The following WDR64 variants were observed in gnomAD, a reference collection of about 807,000 sequenced individuals.
WDR64 encodes the protein WD repeat-containing protein 64.
In WDR64, 112 loss-of-function variants were observed where a neutral mutation model predicts 139.3. That is an observed-to-expected ratio of 0.80 (90% CI 0.69 to 0.94). The LOEUF (loss-of-function observed/expected upper bound fraction) is 0.94. WDR64 is among the 40% of genes least tolerant of loss of function. The pLI is 0.00. For missense variants in WDR64, 1,206 were observed against 1,293.1 expected, an observed-to-expected ratio of 0.93 and a Z score of 1.03; for synonymous variants, 444 against 437.7, an observed-to-expected ratio of 1.01 and a Z score of -0.18.
At position 241,670,392 on chromosome 1, in the gene WDR64, A is replaced by C. The variant is rs779957859; in HGVS notation, c.277-682A>C. Among the ~76,000 whole-genome samples the C allele has an allele frequency of 2.6e-4, 39 of 152,208 alleles. 1 individual carries two copies. Among genetic ancestry groups the C allele is most frequent in the Admixed American group, 6.5e-5 (1 of 15,280 alleles). On this transcript the variant is annotated intron_variant, in intron 2 of 27. Coordinates refer to ENST00000437684, the MANE Select transcript of WDR64 (RefSeq NM_001367482.1). Reference sequence around the variant, plus strand: ...CTGAAAAATTCATGGAAAATGGGTAAGACAGTCATTTGAGAGTGGCCAAAG... The same window carrying C: ...CTGAAAAATTCATGGAAAATGGGTACGACAGTCATTTGAGAGTGGCCAAAG...
At chr1:241,657,283 G>A (rs774251121) in intron 1 of WDR64, among the ~76,000 whole-genome samples, 5 of 152,046 alleles carry the variant, frequency 3.3e-5, no homozygotes, top group South Asian at 4.1e-4. Context: ...CCCTCCACTA[G>A]TTTTACGTCT....
chr1:241,773,362 T>C (rs1658531845), intron 20 of WDR64, among the ~76,000 whole-genome samples: 1 of 152,236 alleles, frequency 6.6e-6, no homozygotes, highest in Non-Finnish European at 1.5e-5. Context: ...TCATCCCTTA[T>C]GTCCCTAATA....
chr1:241,738,540 C>G (rs1442610786), intron 11 of WDR64, 51 bp downstream of exon 11: 12 of 1,554,248 alleles, frequency 7.7e-6, no homozygotes, highest in Non-Finnish European at 1.0e-5. Flanking sequence ...GATTTTTAAC[C>G]TTTTTTTAAA....
chr1:241,745,991 C>T (rs144438696), intron 13 of WDR64, among the ~76,000 whole-genome samples: 2 of 152,262 alleles, frequency 1.3e-5, no homozygotes, highest in Non-Finnish European at 2.9e-5. Context: ...TATGAGAACA[C>T]GATAATGTCT....
intron 27 of WDR64, among the ~76,000 whole-genome samples, chr1:241,798,010 C>A (rs1205115201): frequency 6.6e-6 from 1 of 151,958 alleles, no homozygotes; most frequent in East Asian, 1.9e-4. Context: ...AGGGGGAAGA[C>A]AATATGGAAT....
At chr1:241,734,212 C>T (rs1669205007) in intron 10 of WDR64, among the ~76,000 whole-genome samples, 1 of 152,066 alleles carries the variant, frequency 6.6e-6, no homozygotes, top group Non-Finnish European at 1.5e-5. Context: ...TTGAGCTGTC[C>T]TGCCTTTCCG....
At chr1:241,711,349 G>C (rs1050720647) in intron 8 of WDR64, among the ~76,000 whole-genome samples, 1 of 152,092 alleles carries the variant, frequency 6.6e-6, no homozygotes, top group Non-Finnish European at 1.5e-5. Context: ...GGGAAGAAGT[G>C]GTCAGATTTC....
chr1:241,801,273 G>C lies in WDR64; in HGVS notation c.*58G>C, dbSNP rs997969549. 7.0e-6 allele frequency: 10 copies of C among 1,418,966 alleles called. No homozygotes were observed. Among genetic ancestry groups the C allele is most frequent in the Non-Finnish European group, 9.9e-6 (10 of 1,006,960 alleles). The allele number at this position is 1,418,966 out of a possible 1,614,324, so 87.9% of individuals were successfully genotyped here. On this transcript the variant is annotated 3_prime_UTR_variant, in exon 28 of 28. Coordinates refer to ENST00000437684, the MANE Select transcript of WDR64 (RefSeq NM_001367482.1). ...AAATGGCAACGTTTGGATGATACCT[G>C]CTCTTTATTTCAGGATGAGAGGGAG...
At position 241,656,809 on chromosome 1, in the gene WDR64, G is replaced by A. The variant is rs927165762; in HGVS notation, c.146-3721G>A. The stretch of plus-strand genomic sequence containing the variant: ...CGTCCTTGGCCTCTACTCACTAGAT[G>A]CCAGTAGCACACCTACTCCTAGTTG... On this transcript the variant is annotated intron_variant, in intron 1 of 27. Transcript: ENST00000437684. The surrounding 1 kb of genome is among the most constrained non-coding windows in gnomAD (Gnocchi z 4.3). Among the ~76,000 whole-genome samples the A allele has an allele frequency of 6.6e-6, 1 of 151,852 alleles. No individual in the cohort carries two copies. The highest frequency in any genetic ancestry group is 2.4e-5 in the African/African-American group (1 of 41,300).
intron 8 of WDR64, among the ~76,000 whole-genome samples, chr1:241,693,967 A>C (rs1205740124): frequency 1.3e-5 from 2 of 152,170 alleles, no homozygotes; most frequent in Non-Finnish European, 2.9e-5. Context: ...ATTGTTAGCT[A>C]TAGAACTTGG....
chr1:241,799,202 CAAAAAAAAAA>C (rs4046210), intron 27 of WDR64, among the ~76,000 whole-genome samples: 2 of 33,326 alleles, frequency 6.0e-5, no homozygotes, highest in Non-Finnish European at 9.4e-5. Flanking sequence ...TTTGTCTCTC[CAAAAAAAAAA>C]AAAAAAAAAA....
intron 14 of WDR64, among the ~76,000 whole-genome samples, chr1:241,752,935 A>G (rs1395886683): frequency 6.6e-6 from 1 of 152,198 alleles, no homozygotes; most frequent in Non-Finnish European, 1.5e-5. Flanking sequence ...GCTATTACTC[A>G]GTGTCAATAT....
rs141575772 is a variant in WDR64, at chr1:241,750,105, G to A, written c.1770+383G>A. On this transcript the variant is annotated intron_variant, in intron 14 of 27. Coordinates refer to ENST00000437684, the MANE Select transcript of WDR64 (RefSeq NM_001367482.1). ...CCCTTATAACCCATAATGCATTCAG[G>A]AATGCTCAAGTCACTTTTCCAGTTT... is the stretch of plus-strand genomic sequence containing the variant. Among the ~76,000 whole-genome samples, 347 of 152,256 alleles carry A rather than the reference G, an allele frequency of 2.3e-3. 3 individuals carry two copies. Among genetic ancestry groups the A allele is most frequent in the Middle Eastern group, 0.014 (4 of 294 alleles).
At chr1:241,782,242 C>G (rs12027319) in intron 22 of WDR64, among the ~76,000 whole-genome samples, 1 of 152,150 alleles carries the variant, frequency 6.6e-6, no homozygotes, top group Non-Finnish European at 1.5e-5. Flanking sequence ...GAGCCGAGAT[C>G]GCGCCACCGC....
At chr1:241,726,908 C>T (rs1258449478) in intron 10 of WDR64, among the ~76,000 whole-genome samples, 11 of 148,672 alleles carry the variant, frequency 7.4e-5, no homozygotes, top group South Asian at 6.3e-4. Context: ...TTTTTTGAGA[C>T]GAAGTTTCAT....
chr1:241,699,770 T>C (rs964674583), intron 8 of WDR64, among the ~76,000 whole-genome samples: 1 of 152,104 alleles, frequency 6.6e-6, no homozygotes, highest in Non-Finnish European at 1.5e-5. Flanking sequence ...AAATTGCAAA[T>C]GGTTCAATAT....
At chr1:241,713,940 A>G (rs897771526) in intron 9 of WDR64, among the ~76,000 whole-genome samples, 4 of 152,228 alleles carry the variant, frequency 2.6e-5, no homozygotes, top group Non-Finnish European at 5.9e-5. Context: ...AATTGTGTTG[A>G]TAGTTGTACA....
intron 11 of WDR64, among the ~76,000 whole-genome samples, chr1:241,738,995 C>G (rs1278701033): frequency 6.6e-6 from 1 of 152,224 alleles, no homozygotes; most frequent in African/African-American, 2.4e-5. Flanking sequence ...CGTACCGAGT[C>G]AATGCCCCTT....
intron 10 of WDR64, among the ~76,000 whole-genome samples, chr1:241,736,581 G>A (rs1219994184): frequency 6.6e-6 from 1 of 152,100 alleles, no homozygotes; most frequent in East Asian, 1.9e-4. Flanking sequence ...GGCATATAGG[G>A]AGAGGGGCAG....
Sources: gnomAD v4.1 joint callset for allele counts (sites outside exome capture counted in the v4.1 genomes callset) on GRCh38, gnomAD v4.1.1 for gene constraint, Gnocchi (gnomAD v3.1) non-coding constraint, MANE v1.5 for transcripts, NCBI Gene and HGNC (gene_info 2026-07-23, HGNC 2026-07-21) for gene names.